The following LRFN2 variants were observed in gnomAD, a reference collection of about 807,000 sequenced individuals.
LRFN2 encodes the protein leucine rich repeat and fibronectin type III domain containing 2.
LRFN2 carries 18 observed loss-of-function variants against 37.3 expected under a neutral mutation model. That is an observed-to-expected ratio of 0.48 (90% CI 0.33 to 0.72). The LOEUF is 0.72. Ranked by LOEUF, LRFN2 falls within the 30% of genes least tolerant of loss-of-function variation. LRFN2 has a pLI of 0.02. For missense variants in LRFN2, 1,006 were observed against 1,060.7 expected, an observed-to-expected ratio of 0.95 and a Z score of 0.72; for synonymous variants, 556 against 466.6, an observed-to-expected ratio of 1.19 and a Z score of -2.47.
Position 40,391,938 on chromosome 6 carries a change from C to T in LRFN2, c.*5G>A, listed in dbSNP as rs1035774762. 4 of 1,538,826 alleles carry T rather than the reference C, an allele frequency of 2.6e-6. No individual in the cohort carries two copies. The highest frequency in any genetic ancestry group is 4.0e-5 in the Admixed American group (2 of 50,276). The stretch of plus-strand genomic sequence containing the variant: ...GCACAGGAAAGGGAGCATGCCCACC[C>T]CCACCTAGACCGTGCTCTCCATCAC... On this transcript the variant is annotated 3_prime_UTR_variant, in exon 3 of 3. Coordinates refer to ENST00000338305, the MANE Select transcript of LRFN2 (RefSeq NM_020737.3).
At chr6:40,440,887 A>G (rs1763818972) in intron 1 of LRFN2, among the ~76,000 whole-genome samples, 1 of 152,160 alleles carries the variant, frequency 6.6e-6, no homozygotes. Context: ...TTACCCAAAT[A>G]AACTACTTAC....
chr6:40,426,632 T>C (rs1267786587), intron 2 of LRFN2, among the ~76,000 whole-genome samples: 3 of 152,246 alleles, frequency 2.0e-5, no homozygotes, highest in East Asian at 1.9e-4. Context: ...CCTACTTCCA[T>C]GCACGCATGT....
intron 1 of LRFN2, among the ~76,000 whole-genome samples, chr6:40,455,130 T>A (rs1042959752): frequency 6.6e-6 from 1 of 152,222 alleles, no homozygotes; most frequent in Non-Finnish European, 1.5e-5. Flanking sequence ...TGAAATAAAA[T>A]GTATACCTCT....
rs534488343 is a variant in LRFN2 at position 40,431,423 on chromosome 6, T to A, written c.1400+291A>T. Among the ~76,000 whole-genome samples, 142 of 152,272 alleles carry A rather than the reference T, an allele frequency of 9.3e-4. 1 individual carries two copies. The highest frequency in any genetic ancestry group is 3.2e-3 in the African/African-American group (132 of 41,534). ...TCCAACTGGGCTTAGAACAGAACATTCATAAGCTCATAGCCATAAGACCAC... is the reference window on the plus strand; with the variant it reads ...TCCAACTGGGCTTAGAACAGAACATACATAAGCTCATAGCCATAAGACCAC... On this transcript the variant is annotated intron_variant, in intron 2 of 2. Transcript: ENST00000338305.
chr6:40,426,949 A>G (rs1020641448), intron 2 of LRFN2, among the ~76,000 whole-genome samples: 33 of 152,320 alleles, frequency 2.2e-4, no homozygotes, highest in African/African-American at 7.9e-4. Context: ...TAGCGCAACT[A>G]AAAATGACAG....
intron 1 of LRFN2, among the ~76,000 whole-genome samples, chr6:40,460,976 T>C (rs1015631369): frequency 6.6e-6 from 1 of 152,210 alleles, no homozygotes; most frequent in Non-Finnish European, 1.5e-5. Flanking sequence ...AATGAAACAA[T>C]GACATTATTT....
intron 2 of LRFN2, among the ~76,000 whole-genome samples, chr6:40,427,816 G>A (rs1258680283): frequency 6.6e-6 from 1 of 152,124 alleles, no homozygotes; most frequent in African/African-American, 2.4e-5. Context: ...ACCACCATAG[G>A]CTTGAGAACC....
At chr6:40,468,984 C>T (rs1169576685) in intron 1 of LRFN2, among the ~76,000 whole-genome samples, 1 of 152,104 alleles carries the variant, frequency 6.6e-6, no homozygotes, top group Non-Finnish European at 1.5e-5. Flanking sequence ...ACGTCCTAAT[C>T]CCTGAACCTG....
intron 1 of LRFN2, among the ~76,000 whole-genome samples, chr6:40,560,202 C>T (rs753190173): frequency 6.6e-5 from 10 of 152,208 alleles, no homozygotes; most frequent in South Asian, 2.1e-4. Flanking sequence ...GTCCAGGAGG[C>T]GCTCTGACTG....
chr6:40,490,095 C>T (rs1765053842), intron 1 of LRFN2, among the ~76,000 whole-genome samples: 1 of 152,194 alleles, frequency 6.6e-6, no homozygotes, highest in African/African-American at 2.4e-5. Context: ...CCAGCACCTA[C>T]TGCTCTGCAG....
intron 1 of LRFN2, among the ~76,000 whole-genome samples, chr6:40,467,488 C>T (rs145335253): frequency 4.6e-5 from 7 of 152,268 alleles, no homozygotes; most frequent in African/African-American, 7.2e-5. Flanking sequence ...ATCTCAGTGG[C>T]ACAGACATGG....
chr6:40,572,750 TC>T (rs2113795338), intron 1 of LRFN2, among the ~76,000 whole-genome samples: 1 of 152,292 alleles, frequency 6.6e-6, no homozygotes, highest in African/African-American at 2.4e-5. Context: ...CTATGTTTAA[TC>T]CCCAGCTAGT....
chr6:40,477,223 T>A (rs987152048), intron 1 of LRFN2, among the ~76,000 whole-genome samples: 1 of 152,128 alleles, frequency 6.6e-6, no homozygotes, highest in Non-Finnish European at 1.5e-5. Context: ...TGGAAGTAAC[T>A]CATGTTGGTG....
At chr6:40,440,351 G>A (rs1763803383) in intron 1 of LRFN2, among the ~76,000 whole-genome samples, 1 of 152,160 alleles carries the variant, frequency 6.6e-6, no homozygotes, top group Non-Finnish European at 1.5e-5. Context: ...GTGTTTGCCT[G>A]CCTTCTACCC....
In LRFN2 at chr6:40,566,482, C is replaced by G. The variant is rs576786892; in HGVS notation, c.-19+20459G>C. ...CACAATAGCAAAGACTTGGAACCAA[C>G]CCAAATGTCCAACAATGATAGACTG... On this transcript the variant is annotated intron_variant, in intron 1 of 2. Coordinates refer to ENST00000338305, the MANE Select transcript of LRFN2 (RefSeq NM_020737.3). Among the ~76,000 whole-genome samples the G allele has an allele frequency of 2.6e-5, 4 of 152,224 alleles. No homozygotes were observed. In the East Asian group the frequency reaches 7.7e-4, roughly 29 times the overall value.
chr6:40,452,401 C>A (rs376974032), intron 1 of LRFN2, among the ~76,000 whole-genome samples: 1 of 152,198 alleles, frequency 6.6e-6, no homozygotes, highest in African/African-American at 2.4e-5. Context: ...GAATTAGCCA[C>A]ATCAGTTAGC....
intron 1 of LRFN2, among the ~76,000 whole-genome samples, chr6:40,566,836 T>C (rs926867711): frequency 4.6e-5 from 7 of 152,090 alleles, no homozygotes; most frequent in African/African-American, 7.2e-5. Flanking sequence ...TATACATATG[T>C]AACAAACCTG....
chr6:40,475,189 C>A (rs576536215), intron 1 of LRFN2, among the ~76,000 whole-genome samples: 30 of 152,186 alleles, frequency 2.0e-4, no homozygotes, highest in Non-Finnish European at 2.5e-4. Context: ...CAGCACTGAG[C>A]CTATGTGTTT....
chr6:40,422,028 C>T (rs1370763084), intron 2 of LRFN2, among the ~76,000 whole-genome samples: 1 of 152,080 alleles, frequency 6.6e-6, no homozygotes, highest in Non-Finnish European at 1.5e-5. Context: ...GTCTGGAGCC[C>T]CTGATTCCAT....
Sources: allele counts gnomAD v4.1 joint callset (sites outside exome capture counted in the v4.1 genomes callset), GRCh38; gene constraint gnomAD v4.1.1; transcripts MANE v1.5; gene names NCBI Gene and HGNC (gene_info 2026-07-23, HGNC 2026-07-21).